The following ST3GAL1 variants were observed in gnomAD, a reference collection of about 807,000 sequenced individuals.
ST3GAL1 encodes the protein ST3 beta-galactoside alpha-2,3-sialyltransferase 1.
In ST3GAL1, 16 loss-of-function variants were observed where a neutral mutation model predicts 34.1. The ratio of observed to expected loss-of-function variants is 0.47; its 90% confidence interval spans 0.32 to 0.71. The LOEUF is 0.71. Ranked by LOEUF, ST3GAL1 falls within the 30% of genes least tolerant of loss-of-function variation. The pLI is 0.04. For synonymous variants in ST3GAL1, 191 were observed against 184.7 expected (o/e 1.03, Z -0.28); for missense variants, 353 against 447.4 (o/e 0.79, Z 1.90).
At chr8:133,559,951 A>G (rs1819168086) in intron 1 of ST3GAL1, among the ~76,000 whole-genome samples, 2 of 152,258 alleles carry the variant, frequency 1.3e-5, no homozygotes, top group African/African-American at 2.4e-5. Flanking sequence ...CAAGCCACAA[A>G]GATGAGTTCT....
At chr8:133,568,979 T>TCAGCAAGAAGGCTGCTTGCTG (rs1819484727) in intron 1 of ST3GAL1, among the ~76,000 whole-genome samples, 1 of 152,190 alleles carries the variant, frequency 6.6e-6, no homozygotes, top group Non-Finnish European at 1.5e-5. Context: ...ACAGCCCTGA[T>TCAGCAAGAAGGCTGCTTGCTG]TACAATCAGC....
intron 2 of ST3GAL1, among the ~76,000 whole-genome samples, chr8:133,507,521 C>T (rs1032122725): frequency 2.6e-5 from 4 of 152,104 alleles, no homozygotes; most frequent in African/African-American, 9.7e-5. Context: ...ACCTTGCAGG[C>T]ACGGGCATTA....
chr8:133,566,998 A>C (rs1299860534), intron 1 of ST3GAL1: 1 of 152,148 alleles, frequency 6.6e-6, no homozygotes. Flanking sequence ...CCAATCTTTT[A>C]TTTTACTTTA....
chr8:133,465,874 G>A lies in ST3GAL1; in HGVS notation c.503+20C>T. ...CCCTGGGTGCAGCACGGTAGGCTTGGGAGAGGGTCTGGCACTCACCTGAGG... is the reference window on the plus strand; with the variant it reads ...CCCTGGGTGCAGCACGGTAGGCTTGAGAGAGGGTCTGGCACTCACCTGAGG... On this transcript the variant is annotated intron_variant, in intron 6 of 9. Transcript: ENST00000522652. 1 of 1,608,182 alleles carries A rather than the reference G, an allele frequency of 6.2e-7. No homozygotes were observed. The highest frequency in any genetic ancestry group is 8.5e-7 in the Non-Finnish European group (1 of 1,176,244).
chr8:133,552,094 C>A (rs1249245339), intron 1 of ST3GAL1, among the ~76,000 whole-genome samples: 1 of 152,178 alleles, frequency 6.6e-6, no homozygotes, highest in African/African-American at 2.4e-5. Flanking sequence ...TGTGTTCTGC[C>A]CTGCTGGGGA....
At chr8:133,462,200 T>G (rs749208094) in intron 8 of ST3GAL1, among the ~76,000 whole-genome samples, 1 of 152,058 alleles carries the variant, frequency 6.6e-6, no homozygotes, top group Non-Finnish European at 1.5e-5. Context: ...TAATAAGTGC[T>G]ATGGAGAGCA....
chr8:133,521,615 T>C (rs1486233496), intron 2 of ST3GAL1, among the ~76,000 whole-genome samples: 1 of 152,184 alleles, frequency 6.6e-6, no homozygotes, highest in African/African-American at 2.4e-5. Flanking sequence ...TTATTTTTAA[T>C]AGCAAAATGT....
intron 2 of ST3GAL1, among the ~76,000 whole-genome samples, chr8:133,523,177 G>A (rs2945736): frequency 0.28 from 42,919 of 151,790 alleles, 6,905 homozygotes; most frequent in Middle Eastern, 0.37. Context: ...CGTGGCTTCT[G>A]GGAGCAGGGG....
rs940776688 is a variant in ST3GAL1 at position 133,461,767 on chromosome 8, C to T, written c.849+108G>A. On this transcript the variant is annotated intron_variant, in intron 9 of 9. Coordinates refer to ENST00000522652, the MANE Select transcript of ST3GAL1 (RefSeq NM_173344.3). This position sits in a 1 kb window ranked among gnomAD's most constrained non-coding sequence, Gnocchi z 4.7. ...CGTAGAGACAGGGAATCCGAGCTTCCGGAAGAGGCAGGCTAGGTCTACCTG... is the reference window on the plus strand; with the variant it reads ...CGTAGAGACAGGGAATCCGAGCTTCTGGAAGAGGCAGGCTAGGTCTACCTG... The T allele has an allele frequency of 5.2e-5, 78 of 1,500,420 alleles. No individual in the cohort carries two copies. Among genetic ancestry groups the T allele is most frequent in the Middle Eastern group, 2.1e-4 (1 of 4,876 alleles). The allele number at this position is 1,500,420 out of a possible 1,614,324, so 92.9% of individuals were successfully genotyped here.
At position 133,461,836 on chromosome 8, in the gene ST3GAL1, C is replaced by A. The variant is rs747698181; in HGVS notation, c.849+39G>T. The A allele has an allele frequency of 2.5e-6, 4 of 1,612,294 alleles. No individual in the cohort carries two copies. The highest frequency in any genetic ancestry group is 1.7e-6 in the Non-Finnish European group (2 of 1,179,034). ...TCTCTTGGGAACACAGGACGGTGAG[C>A]TTCGAGGCAGCCCTGTGGGCAGGGG... On this transcript the variant is annotated intron_variant, in intron 9 of 9. Transcript: ENST00000522652. The surrounding 1 kb of genome is among the most constrained non-coding windows in gnomAD (Gnocchi z 4.7).
rs1452070902 is a variant in ST3GAL1, at chr8:133,454,867, G to C, written c.*4897C>G. The C allele has an allele frequency of 6.6e-6, 1 of 152,156 alleles. No individual in the cohort carries two copies. The highest frequency in any genetic ancestry group is 1.5e-5 in the Non-Finnish European group (1 of 68,040). 9.4% of individuals were successfully genotyped at this position (152,156 alleles called of 1,614,324 possible). A position where few individuals can be genotyped will look rare whatever the true frequency, so the allele number is the denominator to read the frequency against. ...CACCCAAACAATAAAATAGCTCTTT[G>C]TTTATTCACTTTGATTTGGATCATT... On this transcript the variant is annotated 3_prime_UTR_variant, in exon 10 of 10. Transcript: ENST00000522652.
intron 2 of ST3GAL1, among the ~76,000 whole-genome samples, chr8:133,530,338 A>AAT (rs1818115310): frequency 1.3e-5 from 2 of 151,832 alleles, no homozygotes; most frequent in African/African-American, 4.8e-5. Context: ...CTAAAGTGCA[A>AAT]TGACACCATC....
At position 133,475,766 on chromosome 8, in the gene ST3GAL1, T is replaced by C. The variant is rs1344973364; in HGVS notation, c.259A>G (p.Thr87Ala). ...TCCTCCAAGAGCGCGTTCTGGGCGG[T>C]CAGCAGCGGCTGCATGGTCTGGTTG... is the stretch of plus-strand genomic sequence containing the variant. ...RFNQTMQPLL[T>A]AQNALLEDDT... The change falls in exon 5 of 10, where the codon ACC becomes GCC. Residue 87 changes from threonine (T) to alanine (A), a missense_variant. By Grantham distance (58) the Thr-to-Ala change is moderately conservative (BLOSUM62 0). Coordinates refer to ENST00000522652, the MANE Select transcript of ST3GAL1 (RefSeq NM_173344.3). The C allele has an allele frequency of 6.2e-7, 1 of 1,609,744 alleles. No individual in the cohort carries two copies. The highest frequency in any genetic ancestry group is 8.5e-7 in the Non-Finnish European group (1 of 1,176,816).
intron 1 of ST3GAL1, among the ~76,000 whole-genome samples, chr8:133,560,141 T>C (rs1252125631): frequency 1.3e-5 from 2 of 152,146 alleles, no homozygotes; most frequent in Non-Finnish European, 2.9e-5. Context: ...CCAACACAAA[T>C]GATGAATGTT....
chr8:133,522,855 C>CACCAGGAGTACAATCCTTCTCTGG lies in ST3GAL1; in HGVS notation c.-429+22918_-429+22919insCCAGAGAAGGATTGTACTCCTGGT, dbSNP rs1425319420. Among the ~76,000 whole-genome samples, 5 of 152,138 alleles carry CACCAGGAGTACAATCCTTCTCTGG rather than the reference C, an allele frequency of 3.3e-5. No individual in the cohort carries two copies. The South Asian group carries it at 1.0e-3, about 32-fold the overall frequency. On this transcript the variant is annotated intron_variant, in intron 2 of 9. Coordinates refer to ENST00000522652, the MANE Select transcript of ST3GAL1 (RefSeq NM_173344.3). ...TCCTTCTCTGGCCTCCTGGTGTGCT[C>CACCAGGAGTACAATCCTTCTCTGG]CCAACACCCTCACCAGGCGAGGGAA...
chr8:133,500,161 C>A (rs1286324454), intron 2 of ST3GAL1, among the ~76,000 whole-genome samples: 2 of 152,182 alleles, frequency 1.3e-5, no homozygotes, highest in African/African-American at 4.8e-5. Context: ...TGCTTTTGCT[C>A]CTGTCACCTG....
At chr8:133,481,577 C>A (rs1322172377) in intron 3 of ST3GAL1, among the ~76,000 whole-genome samples, 2 of 152,136 alleles carry the variant, frequency 1.3e-5, no homozygotes, top group African/African-American at 4.8e-5. Flanking sequence ...CTCACTATTA[C>A]CTCCACCTCC....
At chr8:133,475,677 C>A (rs1047945582) in intron 5 of ST3GAL1, 42 bp downstream of exon 5, 3 of 1,522,080 alleles carry the variant, frequency 2.0e-6, no homozygotes, top group Non-Finnish European at 2.6e-6. Context: ...CAGTCCACAC[C>A]CCAACTCTCA....
chr8:133,558,480 A>G (rs1299558908), intron 1 of ST3GAL1, among the ~76,000 whole-genome samples: 1 of 152,224 alleles, frequency 6.6e-6, no homozygotes, highest in Non-Finnish European at 1.5e-5. Context: ...CTCAGTAGAT[A>G]GAAGAAGGTT....
Sources: allele counts gnomAD v4.1 joint callset (sites outside exome capture counted in the v4.1 genomes callset), GRCh38; gene constraint gnomAD v4.1.1; non-coding constraint Gnocchi (gnomAD v3.1); transcripts MANE v1.5; gene names NCBI Gene and HGNC (gene_info 2026-07-23, HGNC 2026-07-21).